The following TCTN1 variants were observed in gnomAD, a reference collection of about 807,000 sequenced individuals.
TCTN1 encodes tectonic family member 1.
TCTN1 carries 58 observed loss-of-function variants against 65.8 expected under a neutral mutation model. The ratio of observed to expected loss-of-function variants is 0.88; its 90% CI spans 0.71 to 1.10. The LOEUF (loss-of-function observed/expected upper bound fraction) is 1.10. TCTN1 is among the 50% of genes least tolerant of loss of function. TCTN1 has a pLI of 0.00. For synonymous variants in TCTN1, 273 were observed against 289.1 expected, an observed-to-expected ratio of 0.94 and a Z score of 0.57; for missense variants, 645 against 719.4, an observed-to-expected ratio of 0.90 and a Z score of 1.18.
At chr12:110,636,705 G>C (rs1482715199) in intron 7 of TCTN1, among the ~76,000 whole-genome samples, 1 of 152,172 alleles carries the variant, frequency 6.6e-6, no homozygotes, top group Non-Finnish European at 1.5e-5. Context: ...AGCTGCCTCT[G>C]TTGTTGTGGT....
chr12:110,632,393 G>A, intron 4 of TCTN1, 79 bp from the exon 5 acceptor site: 2 of 1,447,680 alleles, frequency 1.4e-6, no homozygotes, highest in Non-Finnish European at 1.9e-6. Flanking sequence ...AGTGCTGCTT[G>A]GCACATTGTG....
At chr12:110,648,825 T>C (rs550895388) in intron 14 of TCTN1, 16 of 339,440 alleles carry the variant, frequency 4.7e-5, no homozygotes, top group African/African-American at 3.5e-4. Flanking sequence ...TGTTTTATTT[T>C]ATACAGTAGT....
chr12:110,635,689 T>C (rs1478644083), intron 6 of TCTN1: 1 of 152,240 alleles, frequency 6.6e-6, no homozygotes, highest in Admixed American at 6.5e-5. Flanking sequence ...ACGATTATTG[T>C]CAAAGGGGTC....
intron 3 of TCTN1, 24 bp from the exon 4 acceptor site, chr12:110,628,743 A>C (rs1437716657): frequency 6.4e-7 from 1 of 1,569,478 alleles, no homozygotes; most frequent in East Asian, 2.3e-5. Flanking sequence ...ACCGATTTAA[A>C]ATACTGTTTT....
rs998896156 is a variant in TCTN1 at position 110,642,513 on chromosome 12, A to C, written c.1331+124A>C. ...AGCTCACATGAAAGCCACATATAGT[A>C]TATCATCATGCATGAATAGTAGCAA... On this transcript the variant is annotated intron_variant, in intron 11 of 14. Coordinates refer to ENST00000397659, the MANE Select transcript of TCTN1 (RefSeq NM_001082538.3). The C allele has an allele frequency of 2.2e-6, 3 of 1,359,210 alleles. No homozygotes were observed. In the African/African-American group the frequency reaches 4.3e-5, roughly 20 times the overall value. 84.2% of individuals were successfully genotyped at this position (1,359,210 alleles called of 1,614,324 possible). A position where few individuals can be genotyped will look rare whatever the true frequency, so the allele number is the denominator to read the frequency against.
intron 1 of TCTN1, among the ~76,000 whole-genome samples, chr12:110,619,299 C>G (rs561601518): frequency 6.6e-6 from 1 of 152,168 alleles, no homozygotes; most frequent in African/African-American, 2.4e-5. Context: ...CGGTATGATT[C>G]TTGGCCAAGG....
chr12:110,615,143 T>C (rs923964359), intron 1 of TCTN1, among the ~76,000 whole-genome samples: 2 of 151,728 alleles, frequency 1.3e-5, no homozygotes, highest in Non-Finnish European at 2.9e-5. Flanking sequence ...ATAGAAAAAA[T>C]AGCCGGGCAT....
At position 110,640,619 on chromosome 12, in the gene TCTN1, C is replaced by G. The variant is rs1352581448; in HGVS notation, c.978+102C>G. The G allele has an allele frequency of 1.2e-5, 19 of 1,555,190 alleles. No individual in the cohort carries two copies. The highest frequency in any genetic ancestry group is 7.1e-6 in the Non-Finnish European group (8 of 1,130,380). ...CCTCCGAGGACGCTCTGTCCCAGCC[C>G]ATGGTGTGGCTTTTCTTGGCTCAGC... is the stretch of plus-strand genomic sequence containing the variant. On this transcript the variant is annotated intron_variant, in intron 8 of 14. Coordinates refer to ENST00000397659, the MANE Select transcript of TCTN1 (RefSeq NM_001082538.3). This position sits in a 1 kb window ranked among gnomAD's most constrained non-coding sequence, Gnocchi z 4.9.
Position 110,649,413 on chromosome 12 carries a change from G to C in TCTN1, c.*372G>C. ...TTTGAGGGGAGCTGGTCCGGGTCTA[G>C]TTCACTTCACCAAGAAGTCCATGCT... On this transcript the variant is annotated 3_prime_UTR_variant, in exon 15 of 15. Coordinates refer to ENST00000397659, the MANE Select transcript of TCTN1 (RefSeq NM_001082538.3). The C allele has an allele frequency of 6.2e-7, 1 of 1,607,860 alleles. No individual in the cohort carries two copies. The highest frequency in any genetic ancestry group is 8.5e-7 in the Non-Finnish European group (1 of 1,175,788).
At chr12:110,641,838 A>T (rs2066977172) in intron 10 of TCTN1, 6 of 575,394 alleles carry the variant, frequency 1.0e-5, no homozygotes, top group Non-Finnish European at 1.8e-5. Flanking sequence ...GTGAGACAGC[A>T]CGTCCTGGGA....
intron 12 of TCTN1, 114 bp downstream of exon 12, chr12:110,645,243 C>T (rs1218345284): frequency 2.4e-5 from 34 of 1,390,028 alleles, no homozygotes; most frequent in South Asian, 2.3e-4. Context: ...TGAGTGGGAG[C>T]GCGGGCTGAA....
intron 5 of TCTN1, among the ~76,000 whole-genome samples, chr12:110,633,069 C>G (rs989329710): frequency 1.3e-5 from 2 of 152,168 alleles, no homozygotes; most frequent in African/African-American, 4.8e-5. Context: ...GTTTCTTGTT[C>G]AGGCTCACTC....
At chr12:110,636,390 A>G in intron 6 of TCTN1, 91 bp from the exon 7 acceptor site, 1 of 879,408 alleles carries the variant, frequency 1.1e-6, no homozygotes, top group Non-Finnish European at 1.9e-6. Flanking sequence ...AATAAGATGA[A>G]TATACTCTTC....
At position 110,640,910 on chromosome 12, in the gene TCTN1, TTCA is replaced by T. The variant is rs986883409; in HGVS notation, c.979-113_979-111del. On this transcript the variant is annotated intron_variant, in intron 8 of 14. Transcript: ENST00000397659. The surrounding 1 kb of genome is among the most constrained non-coding windows in gnomAD (Gnocchi z 4.9). The stretch of plus-strand genomic sequence containing the variant: ...ATCCAACTGGACAGCAGAGCAAGGC[TTCA>T]ACACATGGAGAAACAGGGAAAGATT... The T allele has an allele frequency of 2.7e-5, 40 of 1,476,610 alleles. No homozygotes were observed. In the Admixed American group the frequency reaches 3.0e-4, roughly 11 times the overall value. 91.5% of individuals were successfully genotyped at this position (1,476,610 alleles called of 1,614,324 possible).
intron 13 of TCTN1, 56 bp downstream of exon 13, chr12:110,647,392 A>C: frequency 3.1e-5 from 50 of 1,604,000 alleles, no homozygotes; most frequent in Non-Finnish European, 3.8e-5. Flanking sequence ...GACACAACTC[A>C]AGTGTGGTAG....
chr12:110,622,134 T>TAA (rs200326554), intron 2 of TCTN1, among the ~76,000 whole-genome samples: 2 of 148,532 alleles, frequency 1.3e-5, no homozygotes, highest in African/African-American at 5.0e-5. Context: ...CGAAACTCCA[T>TAA]AAAAAAAAAT....
intron 5 of TCTN1, among the ~76,000 whole-genome samples, chr12:110,633,818 T>C (rs531782021): frequency 1.3e-5 from 2 of 152,316 alleles, no homozygotes; most frequent in East Asian, 3.9e-4. Context: ...GGTACAACCT[T>C]GGTGAAGGGC....
Position 110,633,833 on chromosome 12 carries a change from T to C in TCTN1, c.713-837T>C, listed in dbSNP as rs1198464718. Among the ~76,000 whole-genome samples, 4 of 152,206 alleles carry C rather than the reference T, an allele frequency of 2.6e-5. No homozygotes were observed. In the East Asian group the frequency reaches 7.7e-4, roughly 29 times the overall value. ...GGTACAACCTTGGTGAAGGGCAATT[T>C]AGCAATTTGTATCCAGATTAGAAAT... On this transcript the variant is annotated intron_variant, in intron 5 of 14. Coordinates refer to ENST00000397659, the MANE Select transcript of TCTN1 (RefSeq NM_001082538.3).
chr12:110,623,956 A>G (rs1224181539), intron 2 of TCTN1, among the ~76,000 whole-genome samples: 2 of 152,198 alleles, frequency 1.3e-5, no homozygotes, highest in East Asian at 3.8e-4. Context: ...TGATGAAGCC[A>G]CTTATAATAT....
Sources: allele counts gnomAD v4.1 joint callset (sites outside exome capture counted in the v4.1 genomes callset), GRCh38; gene constraint gnomAD v4.1.1; non-coding constraint Gnocchi (gnomAD v3.1); transcripts MANE v1.5; gene names NCBI Gene and HGNC (gene_info 2026-07-23, HGNC 2026-07-21).